The following NEDD4L variants were observed in gnomAD, a reference collection of about 807,000 sequenced individuals.
The protein encoded by NEDD4L is E3 ubiquitin-protein ligase NEDD4-like.
Under a neutral mutation model 148.9 loss-of-function variants are expected in NEDD4L, and 54 were observed. The ratio of observed to expected loss-of-function variants is 0.36; its 90% confidence interval spans 0.29 to 0.45. NEDD4L has a LOEUF of 0.45. Among genes scored for constraint, NEDD4L ranks in the 20% least tolerant of loss-of-function variants. NEDD4L has a pLI of 1.00. For missense variants in NEDD4L, 856 were observed against 1,233.8 expected (o/e 0.69, Z 4.59); for synonymous variants, 433 against 440.7 (o/e 0.98, Z 0.22).
intron 2 of NEDD4L, among the ~76,000 whole-genome samples, chr18:58,171,939 T>C (rs147950129): frequency 1.3e-4 from 20 of 152,208 alleles, no homozygotes; most frequent in African/African-American, 4.8e-4. Context: ...CAGTCTCCAT[T>C]TGATGCTGAT....
chr18:58,084,842 G>A (rs868054338), intron 1 of NEDD4L, among the ~76,000 whole-genome samples: 2 of 152,016 alleles, frequency 1.3e-5, no homozygotes, highest in Admixed American at 6.6e-5. Context: ...CTACAGGTGT[G>A]TGCCGCAATG....
intron 5 of NEDD4L, among the ~76,000 whole-genome samples, chr18:58,307,990 A>T (rs1293034806): frequency 6.6e-6 from 1 of 152,204 alleles, no homozygotes; most frequent in Non-Finnish European, 1.5e-5. Context: ...GATTTTAAAA[A>T]AGTAGAAAAG....
At chr18:58,178,222 T>C (rs1176365516) in intron 2 of NEDD4L, among the ~76,000 whole-genome samples, 1 of 152,230 alleles carries the variant, frequency 6.6e-6, no homozygotes, top group African/African-American at 2.4e-5. Context: ...ATATTGCTGC[T>C]GGTCGGTCAA....
At chr18:58,228,818 T>C (rs1312245344) in intron 2 of NEDD4L, among the ~76,000 whole-genome samples, 1 of 152,202 alleles carries the variant, frequency 6.6e-6, no homozygotes, top group East Asian at 1.9e-4. Context: ...CAACTTGATA[T>C]TCCTAAAGTC....
At chr18:58,122,933 A>G (rs777884574) in intron 1 of NEDD4L, among the ~76,000 whole-genome samples, 14 of 152,036 alleles carry the variant, frequency 9.2e-5, no homozygotes, top group African/African-American at 1.4e-4. Context: ...GAGTTTCACC[A>G]TGATGGCCAG....
chr18:58,191,204 T>C (rs936988342), intron 2 of NEDD4L, among the ~76,000 whole-genome samples: 3 of 152,218 alleles, frequency 2.0e-5, no homozygotes, highest in African/African-American at 7.2e-5. Flanking sequence ...CTGTTGATAA[T>C]TATAAGGGCT....
chr18:58,171,651 A>G (rs980029312), intron 2 of NEDD4L, among the ~76,000 whole-genome samples: 1 of 152,256 alleles, frequency 6.6e-6, no homozygotes, highest in East Asian at 1.9e-4. Context: ...GTGGAACACA[A>G]TATGGTGTGC....
intron 16 of NEDD4L, among the ~76,000 whole-genome samples, chr18:58,345,923 G>GTTTTTTTT (rs72089117): frequency 7.4e-6 from 1 of 135,992 alleles, no homozygotes. Flanking sequence ...GTTGTTTTTT[G>GTTTTTTTT]TTTTTTGTTT....
chr18:58,102,455 A>G (rs147747707), intron 1 of NEDD4L, among the ~76,000 whole-genome samples: 128 of 152,350 alleles, frequency 8.4e-4, no homozygotes, highest in African/African-American at 3.0e-3. Context: ...AATAAGTATG[A>G]TAACACTTTT....
chr18:58,108,334 C>T (rs1262525676), intron 1 of NEDD4L, among the ~76,000 whole-genome samples: 1 of 152,164 alleles, frequency 6.6e-6, no homozygotes, highest in Non-Finnish European at 1.5e-5. Flanking sequence ...TTGTTTTAAT[C>T]TATGTTTGTA....
intron 1 of NEDD4L, chr18:58,149,560 G>A (rs1412144410): frequency 3.9e-6 from 6 of 1,539,164 alleles, no homozygotes; most frequent in South Asian, 1.2e-5. Flanking sequence ...ATTTGAGCAG[G>A]TAACACTCGG....
intron 2 of NEDD4L, among the ~76,000 whole-genome samples, chr18:58,238,651 A>G (rs12970001): frequency 0.1 from 15,588 of 152,114 alleles, 1,245 homozygotes; most frequent in East Asian, 0.21. Context: ...TGATGCTGTA[A>G]TGAGTACCTT....
At chr18:58,286,838 G>A (rs1452076757) in intron 5 of NEDD4L, among the ~76,000 whole-genome samples, 1 of 152,202 alleles carries the variant, frequency 6.6e-6, no homozygotes, top group African/African-American at 2.4e-5. Flanking sequence ...TGACCCGGGA[G>A]GCGCTCCTTA....
chr18:58,130,467 C>T (rs71355678), intron 1 of NEDD4L, among the ~76,000 whole-genome samples: 11 of 128,438 alleles, frequency 8.6e-5, no homozygotes, highest in South Asian at 2.7e-4. Context: ...TGTGATCTAG[C>T]GGAACTGTGG....
At chr18:58,103,311 G>A (rs4997300) in intron 1 of NEDD4L, among the ~76,000 whole-genome samples, 4,419 of 148,120 alleles carry the variant, frequency 0.03, 217 homozygotes, top group African/African-American at 0.1. Context: ...TATATAGATG[G>A]TTCTGACTTT....
intron 1 of NEDD4L, among the ~76,000 whole-genome samples, chr18:58,058,417 C>T (rs1168624562): frequency 6.6e-6 from 1 of 152,220 alleles, no homozygotes; most frequent in Non-Finnish European, 1.5e-5. Flanking sequence ...CCCTGTCTAG[C>T]CATGGAACTC....
chr18:58,362,741 T>C (rs2045640955), intron 19 of NEDD4L, among the ~76,000 whole-genome samples: 1 of 152,210 alleles, frequency 6.6e-6, no homozygotes, highest in African/African-American at 2.4e-5. Context: ...GAAGTATCGG[T>C]TGAATGGACG....
intron 5 of NEDD4L, among the ~76,000 whole-genome samples, chr18:58,253,455 A>C (rs1189493787): frequency 3.3e-5 from 5 of 152,226 alleles, no homozygotes; most frequent in African/African-American, 4.8e-5. Flanking sequence ...AGTGTAACTA[A>C]ACCACTTTTG....
intron 2 of NEDD4L, among the ~76,000 whole-genome samples, chr18:58,240,110 C>T (rs939416896): frequency 6.6e-6 from 1 of 152,108 alleles, no homozygotes. Context: ...AGTCTGTTTC[C>T]TAGCCATTGA....
Sources: allele counts gnomAD v4.1 joint callset (sites outside exome capture counted in the v4.1 genomes callset), GRCh38; gene constraint gnomAD v4.1.1; transcripts MANE v1.5; gene names NCBI Gene and HGNC (gene_info 2026-07-23, HGNC 2026-07-21).